The following PCSK5 variants were observed in gnomAD, a reference collection of about 807,000 sequenced individuals.
PCSK5 encodes the protein prohormone convertase 5.
A neutral mutation model predicts 233.2 loss-of-function variants in PCSK5; 129 were observed. The ratio of observed to expected loss-of-function variants is 0.55; its 90% CI spans 0.48 to 0.64. The LOEUF is 0.64. Among genes scored for constraint, PCSK5 ranks in the 30% least tolerant of loss-of-function variants. PCSK5 has a pLI of 0.00. For missense variants in PCSK5, 2,076 were observed against 2,430.1 expected (o/e 0.85, Z 3.06); for synonymous variants, 825 against 879.2 (o/e 0.94, Z 1.09).
intron 30 of PCSK5, among the ~76,000 whole-genome samples, chr9:76,315,156 G>T (rs1032979101): frequency 2.0e-5 from 3 of 151,600 alleles, no homozygotes; most frequent in Admixed American, 2.0e-4. Context: ...GTTTCACCAC[G>T]TTGGCCAGGC....
chr9:75,974,389 G>C (rs896484865), intron 2 of PCSK5, among the ~76,000 whole-genome samples: 1 of 152,216 alleles, frequency 6.6e-6, no homozygotes. Flanking sequence ...TGAGGGAATA[G>C]CACTCAAATT....
chr9:76,238,839 T>A lies in PCSK5; in HGVS notation c.2867-120T>A, dbSNP rs182545149. ...ATTAAATCCATCCTTACACCCCTCA[T>A]CCACTAGGAAAAAAAAGCACTCAGT... is the stretch of plus-strand genomic sequence containing the variant. On this transcript the variant is annotated intron_variant, in intron 22 of 37. Transcript: ENST00000674117. 1.0e-5 allele frequency: 7 copies of A among 688,198 alleles called. No homozygotes were observed. In the East Asian group the frequency reaches 1.4e-4, roughly 13 times the overall value. 42.6% of individuals were successfully genotyped at this position (688,198 alleles called of 1,614,324 possible).
At position 76,003,096 on chromosome 9, in the gene PCSK5, A is replaced by G. The variant is rs370575387; in HGVS notation, c.411+16851A>G. Among the ~76,000 whole-genome samples, 7 of 152,328 alleles carry G rather than the reference A, an allele frequency of 4.6e-5. No individual in the cohort carries two copies. In the East Asian group the frequency reaches 7.7e-4, roughly 17 times the overall value. The stretch of plus-strand genomic sequence containing the variant: ...CAAAGTGATTTAGAGGGAGAGTAGC[A>G]TGTAAGAGATAGCAAGAGTCTACAG... On this transcript the variant is annotated intron_variant, in intron 3 of 37. Coordinates refer to ENST00000674117, the MANE Select transcript of PCSK5 (RefSeq NM_001372043.1).
intron 2 of PCSK5, among the ~76,000 whole-genome samples, chr9:75,934,659 A>G (rs138506220): frequency 0.059 from 8,898 of 151,428 alleles, 307 homozygotes; most frequent in Middle Eastern, 0.12. Context: ...TCAGCTCACT[A>G]CAACCTCCAA....
At chr9:76,279,551 T>C (rs888012616) in intron 24 of PCSK5, among the ~76,000 whole-genome samples, 1 of 151,978 alleles carries the variant, frequency 6.6e-6, no homozygotes, top group African/African-American at 2.4e-5. Flanking sequence ...TGTTCCTGTT[T>C]CTCCACATCC....
chr9:76,162,772 T>C (rs577361183), intron 12 of PCSK5, among the ~76,000 whole-genome samples: 12 of 152,272 alleles, frequency 7.9e-5, no homozygotes, highest in Non-Finnish European at 1.3e-4. Context: ...GTTGGCTTCT[T>C]GTGGCAGACT....
chr9:76,090,059 T>C (rs1303219508), intron 7 of PCSK5, among the ~76,000 whole-genome samples: 3 of 152,222 alleles, frequency 2.0e-5, no homozygotes, highest in East Asian at 3.9e-4. Context: ...AATGGAGCAC[T>C]CAATTAAATT....
At chr9:76,224,231 A>G (rs997117730) in intron 20 of PCSK5, among the ~76,000 whole-genome samples, 3 of 152,234 alleles carry the variant, frequency 2.0e-5, no homozygotes, top group African/African-American at 7.2e-5. Context: ...TTTGTAGATC[A>G]GACAAGGATT....
chr9:75,903,882 A>T (rs982198833), intron 1 of PCSK5, among the ~76,000 whole-genome samples: 2 of 151,916 alleles, frequency 1.3e-5, no homozygotes, highest in African/African-American at 4.8e-5. Flanking sequence ...ATTTAGAAAG[A>T]TACTGCCTAC....
intron 24 of PCSK5, among the ~76,000 whole-genome samples, chr9:76,246,624 C>T (rs61240461): frequency 0.014 from 2,081 of 152,246 alleles, 48 homozygotes; most frequent in African/African-American, 0.048. Context: ...GCATATTCAC[C>T]ATGCTATTTA....
intron 3 of PCSK5, among the ~76,000 whole-genome samples, chr9:76,019,565 C>T (rs12003333): frequency 0.038 from 5,749 of 151,998 alleles, 188 homozygotes; most frequent in East Asian, 0.18. Flanking sequence ...ATACCATAAG[C>T]CCTCCCACCC....
At chr9:75,920,414 A>T (rs1418713274) in intron 1 of PCSK5, among the ~76,000 whole-genome samples, 2 of 152,116 alleles carry the variant, frequency 1.3e-5, no homozygotes, top group African/African-American at 4.8e-5. Flanking sequence ...TCGGCCTCCC[A>T]AAGTGCTAGA....
intron 5 of PCSK5, among the ~76,000 whole-genome samples, chr9:76,033,891 T>G (rs1056175789): frequency 1.3e-5 from 2 of 152,132 alleles, no homozygotes; most frequent in Non-Finnish European, 2.9e-5. Flanking sequence ...GCCCCACCTC[T>G]TAACACCAAC....
chr9:76,103,935 T>A (rs1407909774), intron 8 of PCSK5, among the ~76,000 whole-genome samples: 1 of 152,204 alleles, frequency 6.6e-6, no homozygotes, highest in Non-Finnish European at 1.5e-5. Flanking sequence ...TAAAGTGGAA[T>A]CTAAAGTGAA....
chr9:76,147,860 A>T (rs1823501401), intron 10 of PCSK5, among the ~76,000 whole-genome samples: 1 of 152,156 alleles, frequency 6.6e-6, no homozygotes, highest in Non-Finnish European at 1.5e-5. Context: ...TCCCAGCCAC[A>T]TCTGTTCTTT....
At chr9:76,136,950 A>G (rs1446041495) in intron 10 of PCSK5, among the ~76,000 whole-genome samples, 1 of 152,080 alleles carries the variant, frequency 6.6e-6, no homozygotes, top group East Asian at 1.9e-4. Context: ...AATAGTCTCT[A>G]CCAAAACCCT....
intron 2 of PCSK5, among the ~76,000 whole-genome samples, chr9:75,977,062 C>G (rs1826054807): frequency 6.6e-6 from 1 of 152,126 alleles, no homozygotes; most frequent in African/African-American, 2.4e-5. Flanking sequence ...TGAGTTGATT[C>G]AAACCTAGGC....
At chr9:75,994,400 C>CTTTTTTTTTTTTTTTTTTTTTTTTTT (rs550518074) in intron 3 of PCSK5, among the ~76,000 whole-genome samples, 7 of 82,040 alleles carry the variant, frequency 8.5e-5, no homozygotes, top group Admixed American at 1.6e-4. Flanking sequence ...TTCTTTCTTT[C>CTTTTTTTTTTTTTTTTTTTTTTTTTT]TTTTTTTTTT....
chr9:76,301,810 C>T (rs1828614146), intron 27 of PCSK5, among the ~76,000 whole-genome samples: 1 of 151,990 alleles, frequency 6.6e-6, no homozygotes, highest in African/African-American at 2.4e-5. Flanking sequence ...CGCCACCGCA[C>T]TCTGGCCTGG....
Sources: gnomAD v4.1 joint callset for allele counts (sites outside exome capture counted in the v4.1 genomes callset) on GRCh38, gnomAD v4.1.1 for gene constraint, MANE v1.5 for transcripts, NCBI Gene and HGNC (gene_info 2026-07-23, HGNC 2026-07-21) for gene names.